Variants in MYCBP2 observed in about 807,000 individuals in gnomAD.
MYCBP2 encodes MYC binding protein 2, also known as E3 ubiquitin-protein ligase MYCBP2.
MYCBP2 carries 120 observed loss-of-function variants against 525.3 expected under a neutral mutation model. The observed-to-expected ratio is 0.23, with a 90% CI of 0.20 to 0.27. MYCBP2 has a LOEUF of 0.27. MYCBP2 is among the 10% of genes least tolerant of loss of function. The pLI, the probability that MYCBP2 is intolerant of heterozygous loss-of-function variation, is 1.00. For missense variants in MYCBP2, 4,149 were observed against 5,657.1 expected (o/e 0.73, Z 8.55); for synonymous variants, 1,894 against 1,955.8 (o/e 0.97, Z 0.83).
chr13:77,099,774 C>A (rs1213852453), intron 55 of MYCBP2: 1 of 152,078 alleles, frequency 6.6e-6, no homozygotes, highest in African/African-American at 2.4e-5. Context: ...AACAAGGAGT[C>A]AGGAGAATGA....
chr13:77,294,131 C>CACATATATATATATATACAT lies in MYCBP2; in HGVS notation c.378+2467_378+2468insATGTATATATATATATATGT, dbSNP rs1555465826. The stretch of plus-strand genomic sequence containing the variant: ...ATATATATATATATATATATATATA[C>CACATATATATATATATACAT]ATATATATATACATATATATAAAAT... On this transcript the variant is annotated intron_variant, in intron 2 of 82. Transcript: ENST00000544440. 2.4e-4 allele frequency among the ~76,000 whole-genome samples: 16 copies of CACATATATATATATATACAT among 65,710 alleles called. No homozygotes were observed. The South Asian group carries it at 7.0e-3, about 29-fold the overall frequency. The allele number at this position is 65,710 out of a possible 152,430, so 43.1% of individuals were successfully genotyped here.
Position 77,261,160 on chromosome 13 carries a change from A to G in MYCBP2, c.1852+11T>C. 1 of 1,592,974 alleles carries G rather than the reference A, an allele frequency of 6.3e-7. No individual in the cohort carries two copies. Among genetic ancestry groups the G allele is most frequent in the South Asian group, 1.1e-5 (1 of 89,606 alleles). On this transcript the variant is annotated intron_variant, in intron 12 of 82. Transcript: ENST00000544440. ...ATTTTTATTAAATGCATAGTTGATC[A>G]CTCAACTTACTTGATTCTCCATCTT...
At chr13:77,286,776 AAAAAAAAAAAAAAATAT>A (rs1567161224) in intron 3 of MYCBP2, among the ~76,000 whole-genome samples, 9 of 100,184 alleles carry the variant, frequency 9.0e-5, no homozygotes, top group African/African-American at 4.0e-4. Context: ...AAAAAAAAAA[AAAAAAAAAAAAAAATAT>A]ATATATATAT....
chr13:77,246,672 C>CA (rs748796021), intron 15 of MYCBP2, among the ~76,000 whole-genome samples: 4,099 of 107,020 alleles, frequency 0.038, 87 homozygotes, highest in Middle Eastern at 0.098. Context: ...CAGGGGGAGG[C>CA]AAAAAAAAAA....
rs1278591812 is a variant in MYCBP2, at chr13:77,211,230, G to A, written c.3353C>T (p.Ser1118Leu). 6.5e-7 allele frequency: 1 copy of A among 1,550,286 alleles called. No individual in the cohort carries two copies. Among genetic ancestry groups the A allele is most frequent in the South Asian group, 1.2e-5 (1 of 80,690 alleles). ...VDGSCKTFND[S>L]EQEDLQGFGV... is the part of the protein sequence containing the mutation. ...AAATCCTTGCAGATCCTCTTGTTCT[G>A]AGTCATTAAAAGTTTTACAACTCCC... Residue 1118 changes from serine (S) to leucine (L), a missense_variant, in exon 23 of 83, where the codon TCA becomes TTA. By Grantham distance (145) the Ser-to-Leu change is moderately radical (BLOSUM62 -2). Transcript: ENST00000544440.
At chr13:77,084,690 A>T (rs2043913637) in intron 62 of MYCBP2, among the ~76,000 whole-genome samples, 1 of 152,094 alleles carries the variant, frequency 6.6e-6, no homozygotes, top group Non-Finnish European at 1.5e-5. Flanking sequence ...GGTTGGACTA[A>T]AACTTCAGAA....
chr13:77,119,348 T>C (rs1334499539), intron 55 of MYCBP2, among the ~76,000 whole-genome samples: 3 of 152,178 alleles, frequency 2.0e-5, no homozygotes, highest in Non-Finnish European at 4.4e-5. Flanking sequence ...AAATAGTATC[T>C]TTCTAGTCAT....
At chr13:77,296,698 A>G (rs2078222041) in intron 1 of MYCBP2, 24 bp from the exon 2 acceptor site, 3 of 1,297,578 alleles carry the variant, frequency 2.3e-6, no homozygotes, top group Non-Finnish European at 1.1e-6. Flanking sequence ...GAAAAATGGG[A>G]AAAAAATATG....
rs767402579 is a variant in MYCBP2, at chr13:77,099,155, G to A, written c.8141-142C>T. 1.8e-5 allele frequency: 20 copies of A among 1,081,676 alleles called. No individual in the cohort carries two copies. The Middle Eastern group carries it at 6.2e-4, about 34-fold the overall frequency. The allele number at this position is 1,081,676 out of a possible 1,614,324, so 67.0% of individuals were successfully genotyped here. On this transcript the variant is annotated intron_variant, in intron 55 of 82. Coordinates refer to ENST00000544440, the MANE Select transcript of MYCBP2 (RefSeq NM_015057.5). ...ATACTAAAATACTTGAAGAATAAAG[G>A]AAAGAAGGGGGAAATATTTCTAATA...
intron 23 of MYCBP2, among the ~76,000 whole-genome samples, chr13:77,210,198 T>A (rs2063807575): frequency 6.6e-6 from 1 of 151,664 alleles, no homozygotes; most frequent in Non-Finnish European, 1.5e-5. Context: ...CAATAATTTT[T>A]TTTTCTTTTT....
intron 1 of MYCBP2, among the ~76,000 whole-genome samples, chr13:77,298,526 A>AT (rs912902782): frequency 6.6e-6 from 1 of 152,218 alleles, no homozygotes; most frequent in African/African-American, 2.4e-5. Context: ...CTCAACGAGT[A>AT]TTTTAAGAGA....
intron 48 of MYCBP2, among the ~76,000 whole-genome samples, chr13:77,145,359 G>A (rs1163678782): frequency 6.6e-6 from 1 of 151,952 alleles, no homozygotes; most frequent in Non-Finnish European, 1.5e-5. Flanking sequence ...TATCTCACTG[G>A]CCATTCTTTG....
At chr13:77,088,738 C>G (rs1332905103) in intron 61 of MYCBP2, 94 bp downstream of exon 61, 16 of 1,122,142 alleles carry the variant, frequency 1.4e-5, no homozygotes, top group Non-Finnish European at 2.1e-5. Context: ...TAATTTCACA[C>G]AATTTCTGTT....
At chr13:77,124,415 T>C (rs922228224) in intron 54 of MYCBP2, among the ~76,000 whole-genome samples, 6 of 152,196 alleles carry the variant, frequency 3.9e-5, no homozygotes, top group Admixed American at 2.0e-4. Context: ...TGAATAAAGA[T>C]GCATGTTCTC....
Position 77,174,208 on chromosome 13 carries a change from T to C in MYCBP2, c.5651+103A>G, listed in dbSNP as rs952582347. 12 of 998,048 alleles carry C rather than the reference T, an allele frequency of 1.2e-5. No individual in the cohort carries two copies. In the South Asian group the frequency reaches 1.9e-4, roughly 16 times the overall value. 61.8% of individuals were successfully genotyped at this position (998,048 alleles called of 1,614,324 possible). ...AAGTATGTGCTAAGAAGATACACTG[T>C]ACAATTTAATTATAAGTATCCAGTT... On this transcript the variant is annotated intron_variant, in intron 37 of 82. Transcript: ENST00000544440.
chr13:77,250,576 C>A (rs2071028848), intron 15 of MYCBP2, among the ~76,000 whole-genome samples: 1 of 152,182 alleles, frequency 6.6e-6, no homozygotes, highest in African/African-American at 2.4e-5. Context: ...AACCTGCATT[C>A]TTATTCTGCC....
intron 13 of MYCBP2, among the ~76,000 whole-genome samples, chr13:77,259,264 CA>C (rs941373765): frequency 3.4e-4 from 48 of 143,280 alleles, no homozygotes; most frequent in African/African-American, 4.3e-4. Context: ...GACTCCCTCT[CA>C]AAAAAAAAAA....
chr13:77,099,796 G>C (rs963885962), intron 55 of MYCBP2: 1 of 152,088 alleles, frequency 6.6e-6, no homozygotes, highest in Non-Finnish European at 1.5e-5. Context: ...AGAAAAACAG[G>C]ATGAAAAGAA....
chr13:77,122,587 G>C (rs763965772), intron 54 of MYCBP2, among the ~76,000 whole-genome samples: 17 of 151,584 alleles, frequency 1.1e-4, no homozygotes, highest in Non-Finnish European at 2.1e-4. Flanking sequence ...TACTCAGAGA[G>C]GCTGAGGCAG....
Sources: allele counts gnomAD v4.1 joint callset (sites outside exome capture counted in the v4.1 genomes callset), GRCh38; gene constraint gnomAD v4.1.1; transcripts MANE v1.5; gene names NCBI Gene and HGNC (gene_info 2026-07-23, HGNC 2026-07-21).